Variants in SLC4A10 observed in about 807,000 individuals in gnomAD.
SLC4A10 encodes sodium-driven chloride bicarbonate exchanger.
SLC4A10 carries 42 observed loss-of-function variants against 137.7 expected under a neutral mutation model. That is an observed-to-expected ratio of 0.30 (90% CI 0.24 to 0.39). SLC4A10 has a LOEUF of 0.39. SLC4A10 is among the 10% of genes least tolerant of loss of function. The pLI, the probability that SLC4A10 is intolerant of heterozygous loss-of-function variation, is 1.00. For missense variants in SLC4A10, 925 were observed against 1,355.0 expected (o/e 0.68, Z 4.98); for synonymous variants, 474 against 464.1 (o/e 1.02, Z -0.27).
At chr2:161,663,862 C>T (rs529529417) in intron 1 of SLC4A10, among the ~76,000 whole-genome samples, 10 of 151,766 alleles carry the variant, frequency 6.6e-5, no homozygotes, top group Admixed American at 2.0e-4. Flanking sequence ...ATAGTTTGAC[C>T]AAGAATTTTT....
intron 6 of SLC4A10, among the ~76,000 whole-genome samples, chr2:161,867,653 A>C (rs1199971169): frequency 6.6e-6 from 1 of 151,902 alleles, no homozygotes; most frequent in Admixed American, 6.6e-5. Context: ...ATATTGCATT[A>C]ATTATTTTCA....
At chr2:161,879,671 T>G (rs758934524) in intron 9 of SLC4A10, among the ~76,000 whole-genome samples, 1 of 151,082 alleles carries the variant, frequency 6.6e-6, no homozygotes, top group Non-Finnish European at 1.5e-5. Flanking sequence ...GCGGTCAAAC[T>G]CAAAAACAGC....
At chr2:161,906,486 GT>G (rs1684389665) in intron 15 of SLC4A10, among the ~76,000 whole-genome samples, 1 of 152,142 alleles carries the variant, frequency 6.6e-6, no homozygotes, top group South Asian at 2.1e-4. Flanking sequence ...GCTTTTTCTA[GT>G]TTTGGTGTAT....
At chr2:161,714,077 G>A (rs1219552890) in intron 1 of SLC4A10, among the ~76,000 whole-genome samples, 1 of 151,860 alleles carries the variant, frequency 6.6e-6, no homozygotes, top group Non-Finnish European at 1.5e-5. Context: ...ACCAGACACA[G>A]GTGCTCATCT....
chr2:161,717,068 G>A (rs977970138), intron 1 of SLC4A10, among the ~76,000 whole-genome samples: 5 of 152,102 alleles, frequency 3.3e-5, no homozygotes, highest in Non-Finnish European at 5.9e-5. Flanking sequence ...AATTGTGAAT[G>A]GGAGTTCATT....
At chr2:161,886,570 T>C (rs975482917) in intron 10 of SLC4A10, among the ~76,000 whole-genome samples, 8 of 152,208 alleles carry the variant, frequency 5.3e-5, no homozygotes, top group African/African-American at 1.9e-4. Flanking sequence ...TGTTATTACA[T>C]GTTCAGTGTG....
intron 1 of SLC4A10, among the ~76,000 whole-genome samples, chr2:161,712,534 A>G (rs950772229): frequency 1.3e-5 from 2 of 151,794 alleles, no homozygotes; most frequent in Non-Finnish European, 2.9e-5. Context: ...TAATAATTTT[A>G]TTTCTTGGCA....
At chr2:161,831,560 T>C (rs1575173776) in intron 3 of SLC4A10, among the ~76,000 whole-genome samples, 1 of 152,144 alleles carries the variant, frequency 6.6e-6, no homozygotes, top group East Asian at 1.9e-4. Context: ...AAATGAATTT[T>C]TTTCTGGCTA....
At position 161,961,298 on chromosome 2, in the gene SLC4A10, A is replaced by G. The variant is rs1289841551; in HGVS notation, c.2862+2743A>G. Among the ~76,000 whole-genome samples, 4 of 152,172 alleles carry G rather than the reference A, an allele frequency of 2.6e-5. No individual in the cohort carries two copies. The East Asian group carries it at 5.8e-4, about 22-fold the overall frequency. ...CTGCCAGTCTGGGGGAAACTTAAGT[A>G]TGAAGTCATTGCAGGTCACGGAACA... On this transcript the variant is annotated intron_variant, in intron 21 of 26. Transcript: ENST00000446997.
rs370663728 is a variant in SLC4A10, at chr2:161,637,204, G to C, written c.48+12638G>C. ...ATATATCTAGAGAGAGAGAGAGAAA[G>C]AGAGAGAGAGAGAGACAGAGTCTCA... On this transcript the variant is annotated intron_variant, in intron 1 of 26. Transcript: ENST00000446997. Among the ~76,000 whole-genome samples the C allele has an allele frequency of 7.4e-5, 11 of 148,322 alleles. No individual in the cohort carries two copies. The East Asian group carries it at 1.2e-3, about 16-fold the overall frequency.
chr2:161,835,681 A>G (rs181143410), intron 3 of SLC4A10, among the ~76,000 whole-genome samples: 68 of 152,298 alleles, frequency 4.5e-4, no homozygotes, highest in Middle Eastern at 3.4e-3. Flanking sequence ...GCCTCAGTTC[A>G]TGGACTAACG....
intron 1 of SLC4A10, among the ~76,000 whole-genome samples, chr2:161,711,307 G>C (rs571627771): frequency 6.6e-6 from 1 of 151,846 alleles, no homozygotes; most frequent in Non-Finnish European, 1.5e-5. Context: ...GGCTCAGTGT[G>C]GGTAATTAAG....
chr2:161,879,107 A>G (rs1330456043), intron 8 of SLC4A10, 24 bp from the exon 9 acceptor site: 16 of 1,609,558 alleles, frequency 9.9e-6, no homozygotes, highest in Admixed American at 5.0e-5. Flanking sequence ...TTGATTTATC[A>G]TATTTACCTG....
At chr2:161,923,680 G>T (rs988182087) in intron 15 of SLC4A10, among the ~76,000 whole-genome samples, 79 of 151,984 alleles carry the variant, frequency 5.2e-4, no homozygotes, top group Non-Finnish European at 1.1e-3. Flanking sequence ...GTTGTGGGGT[G>T]GGGGGAGTGG....
At chr2:161,770,890 T>C in intron 1 of SLC4A10, 83 bp from the exon 2 acceptor site, 1 of 929,680 alleles carries the variant, frequency 1.1e-6, no homozygotes, top group Non-Finnish European at 1.7e-6. Flanking sequence ...AGCCTTGAAA[T>C]ATTAAATTAT....
At chr2:161,977,599 T>C in intron 25 of SLC4A10, 123 bp from the exon 26 acceptor site, 1 of 771,310 alleles carries the variant, frequency 1.3e-6, no homozygotes, top group Admixed American at 2.8e-5. Flanking sequence ...CTAATATCTC[T>C]TTTTGTTAGA....
intron 3 of SLC4A10, among the ~76,000 whole-genome samples, chr2:161,815,718 G>A (rs978841674): frequency 6.6e-6 from 1 of 151,992 alleles, no homozygotes; most frequent in Non-Finnish European, 1.5e-5. Context: ...CCTAGGCACT[G>A]GTATTTTTAA....
At chr2:161,967,784 T>A (rs1372937095) in intron 23 of SLC4A10, among the ~76,000 whole-genome samples, 1 of 152,200 alleles carries the variant, frequency 6.6e-6, no homozygotes, top group Non-Finnish European at 1.5e-5. Flanking sequence ...GGAATTTAAC[T>A]CTTGTTTATA....
intron 1 of SLC4A10, among the ~76,000 whole-genome samples, chr2:161,661,763 A>T (rs1010197534): frequency 1.3e-5 from 2 of 152,196 alleles, no homozygotes; most frequent in African/African-American, 4.8e-5. Context: ...GAATTATTCA[A>T]ACTGCATAGT....
Sources: allele counts gnomAD v4.1 joint callset (sites outside exome capture counted in the v4.1 genomes callset), GRCh38; gene constraint gnomAD v4.1.1; transcripts MANE v1.5; gene names NCBI Gene and HGNC (gene_info 2026-07-23, HGNC 2026-07-21).